FRMD3: variants seen among roughly 807,000 people sequenced by gnomAD.
FRMD3 encodes FERM domain containing 3, also known as FERM domain-containing protein 3.
A neutral mutation model predicts 70.2 loss-of-function variants in FRMD3; 33 were observed. That is an observed-to-expected ratio of 0.47 (90% CI 0.36 to 0.63). The LOEUF (loss-of-function observed/expected upper bound fraction) is 0.63. Among genes scored for constraint, FRMD3 ranks in the 20% least tolerant of loss-of-function variants. The pLI, the probability that FRMD3 is intolerant of heterozygous loss-of-function variation, is 0.00. For synonymous variants in FRMD3, 279 were observed against 255.9 expected (o/e 1.09, Z -0.86); for missense variants, 632 against 711.4 (o/e 0.89, Z 1.27).
intron 1 of FRMD3, among the ~76,000 whole-genome samples, chr9:83,474,543 A>G (rs1482604278): frequency 6.6e-6 from 1 of 152,168 alleles, no homozygotes; most frequent in East Asian, 1.9e-4. Context: ...TTTCTGGGGC[A>G]CTGTGATGAA....
At chr9:83,285,127 T>C (rs762466676) in intron 13 of FRMD3, among the ~76,000 whole-genome samples, 17 of 152,198 alleles carry the variant, frequency 1.1e-4, no homozygotes, top group Non-Finnish European at 2.1e-4. Context: ...CCTTAAGCCA[T>C]CTATGGTTAG....
At chr9:83,478,266 C>T (rs924360832) in intron 1 of FRMD3, among the ~76,000 whole-genome samples, 1 of 152,202 alleles carries the variant, frequency 6.6e-6, no homozygotes, top group Non-Finnish European at 1.5e-5. Context: ...CTAAACCTAA[C>T]TCAGTTGTTT....
chr9:83,301,140 G>A (rs1834907112), intron 10 of FRMD3, among the ~76,000 whole-genome samples: 1 of 152,112 alleles, frequency 6.6e-6, no homozygotes, highest in South Asian at 2.1e-4. Context: ...GAGAGCCATG[G>A]CCCTGGGGGG....
At chr9:83,568,140 T>A in the FRMD3 span, among the ~76,000 whole-genome samples, 32 of 152,202 alleles carry the variant, frequency 2.1e-4, no homozygotes, top group South Asian at 4.2e-4. Context: ...CAGCAGCAAG[T>A]GAAAATGGGG....
At chr9:83,323,198 G>C (rs1360975936) in intron 6 of FRMD3, among the ~76,000 whole-genome samples, 1 of 152,146 alleles carries the variant, frequency 6.6e-6, no homozygotes, top group Non-Finnish European at 1.5e-5. Context: ...ACAGAAATTA[G>C]TGCATGTTGC....
In FRMD3 at chr9:83,389,618, G is replaced by C. The variant is rs1247826158; in HGVS notation, c.238C>G (p.Pro80Ala). ...KDYFGIRYVD[P>A]EKQRHWLEPN... ...TCAGCTCTTACCCTTTGCTTCTCTG[G>C]GTCCACATAGCGAATGCCAAAGTAG... Residue 80 changes from proline (P) to alanine (A), a missense_variant, in exon 2 of 14, where the codon CCA becomes GCA. Physicochemically the swap from Pro to Ala is conservative, Grantham distance 27 (BLOSUM62 -1). This residue lies in a region of FRMD3 where 208 missense variants were observed against 247.7 expected (regional missense o/e 0.84). Coordinates refer to ENST00000304195, the MANE Select transcript of FRMD3 (RefSeq NM_174938.6). 6.2e-7 allele frequency: 1 copy of C among 1,612,614 alleles called. No homozygotes were observed. The highest frequency in any genetic ancestry group is 8.5e-7 in the Non-Finnish European group (1 of 1,178,688).
At chr9:83,384,367 A>G (rs915348585) in intron 2 of FRMD3, among the ~76,000 whole-genome samples, 2 of 152,174 alleles carry the variant, frequency 1.3e-5, no homozygotes, top group African/African-American at 4.8e-5. Context: ...TGGCAGGAGC[A>G]GCTGGTGGGA....
chr9:83,465,242 C>T (rs976174503), intron 1 of FRMD3, among the ~76,000 whole-genome samples: 9 of 152,078 alleles, frequency 5.9e-5, no homozygotes, highest in East Asian at 1.9e-4. Context: ...CCCAGGAGTG[C>T]GCAGCAAGTC....
At chr9:83,359,846 A>G (rs1441920439) in intron 3 of FRMD3, among the ~76,000 whole-genome samples, 1 of 152,214 alleles carries the variant, frequency 6.6e-6, no homozygotes, top group Non-Finnish European at 1.5e-5. Flanking sequence ...CACAATGAGG[A>G]TGACATGAGT....
chr9:83,268,456 G>C (rs753736386), intron 13 of FRMD3, among the ~76,000 whole-genome samples: 9 of 152,302 alleles, frequency 5.9e-5, no homozygotes, highest in Middle Eastern at 3.4e-3. Flanking sequence ...ATGTTCATCA[G>C]AGTATCATTT....
In FRMD3 at chr9:83,279,818, G is replaced by A. The variant is rs192405288; in HGVS notation, c.1195+10785C>T. Among the ~76,000 whole-genome samples, 11 of 151,218 alleles carry A rather than the reference G, an allele frequency of 7.3e-5. No individual in the cohort carries two copies. In the East Asian group the frequency reaches 2.0e-3, roughly 27 times the overall value. Reference sequence around the variant, plus strand: ...TGTCAGCAGGGGGTCGGGGGAGGGAGAGCGTCAGGATAAATAGCTAATGTA... The same window carrying A: ...TGTCAGCAGGGGGTCGGGGGAGGGAAAGCGTCAGGATAAATAGCTAATGTA... On this transcript the variant is annotated intron_variant, in intron 13 of 13. Coordinates refer to ENST00000304195, the MANE Select transcript of FRMD3 (RefSeq NM_174938.6).
chr9:83,272,191 T>C (rs1003319193), intron 13 of FRMD3, among the ~76,000 whole-genome samples: 2 of 151,534 alleles, frequency 1.3e-5, no homozygotes, highest in East Asian at 4.0e-4. Flanking sequence ...CTTGGCTCAC[T>C]GCAACCTCCC....
rs1016087877 is a variant in FRMD3, at chr9:83,520,337, A to T, written c.147+17748T>A. On this transcript the variant is annotated intron_variant, in intron 1 of 13. Coordinates refer to ENST00000304195, the MANE Select transcript of FRMD3 (RefSeq NM_174938.6). ...TAAAGGCATATGTATTTGCTGAAAA[A>T]TTTCTTATAGTTTTGAAATTATGAA... Among the ~76,000 whole-genome samples, 7 of 152,284 alleles carry T rather than the reference A, an allele frequency of 4.6e-5. No individual in the cohort carries two copies. The East Asian group carries it at 5.8e-4, about 13-fold the overall frequency.
intron 1 of FRMD3, among the ~76,000 whole-genome samples, chr9:83,462,589 T>C (rs1828006492): frequency 1.3e-5 from 2 of 152,180 alleles, no homozygotes; most frequent in South Asian, 4.1e-4. Context: ...GTAACCGCTT[T>C]CCAGGTTCCT....
intron 1 of FRMD3, among the ~76,000 whole-genome samples, chr9:83,454,554 C>T (rs1427038872): frequency 6.6e-6 from 1 of 152,208 alleles, no homozygotes; most frequent in Non-Finnish European, 1.5e-5. Flanking sequence ...TTCTGGAGTA[C>T]AGGTAGCATC....
intron 1 of FRMD3, among the ~76,000 whole-genome samples, chr9:83,442,242 G>T (rs1827320165): frequency 1.3e-5 from 2 of 148,470 alleles, no homozygotes; most frequent in African/African-American, 2.5e-5. Flanking sequence ...ATAAAGGGTG[G>T]TTTATACAGA....
At chr9:83,397,704 T>G (rs1564057625) in intron 1 of FRMD3, among the ~76,000 whole-genome samples, 1 of 152,192 alleles carries the variant, frequency 6.6e-6, no homozygotes. Context: ...AGGGCTCTGT[T>G]GCTTGGCACC....
Position 83,313,492 on chromosome 9 carries a change from TCAGCTGCCAAAACATGTAA to T in FRMD3, c.684+149_684+167del, listed in dbSNP as rs1587713082. Among the ~76,000 whole-genome samples the T allele has an allele frequency of 3.3e-5, 5 of 152,178 alleles. No individual in the cohort carries two copies. In the East Asian group the frequency reaches 9.7e-4, roughly 29 times the overall value. On this transcript the variant is annotated intron_variant, in intron 7 of 13. Coordinates refer to ENST00000304195, the MANE Select transcript of FRMD3 (RefSeq NM_174938.6). ...AATTGGAAGACTCCAATGGAGAAAA[TCAGCTGCCAAAACATGTAA>T]CAGCAGCCCACTGTTGTCCCTTCCA...
chr9:83,248,303 G>A lies in FRMD3; in HGVS notation c.1409C>T (p.Pro470Leu), dbSNP rs1426855078. The change falls in exon 14 of 14, where the codon CCT (proline) becomes CTT (leucine). Residue 470 changes from proline to leucine, a missense_variant. Coordinates refer to ENST00000304195, the MANE Select transcript of FRMD3 (RefSeq NM_174938.6). ...DDEIDMLFDCPSRLELEREDT... is the reference protein window; with the variant it reads ...DDEIDMLFDCLSRLELEREDT... The stretch of plus-strand genomic sequence containing the variant: ...TTCTCTTTCCAACTCAAGCCTAGAA[G>A]GACAGTCAAAGAGCATGTCAATCTC... 2 of 1,614,168 alleles carry A rather than the reference G, an allele frequency of 1.2e-6. No individual in the cohort carries two copies. Among genetic ancestry groups the A allele is most frequent in the Non-Finnish European group, 8.5e-7 (1 of 1,180,044 alleles).
Sources: allele counts gnomAD v4.1 joint callset (sites outside exome capture counted in the v4.1 genomes callset), GRCh38; gene constraint gnomAD v4.1.1; regional missense constraint gnomAD v4.1.1; transcripts MANE v1.5; gene names NCBI Gene and HGNC (gene_info 2026-07-23, HGNC 2026-07-21).